The following FRMD4B variants were observed in gnomAD, a reference collection of about 807,000 sequenced individuals.
FRMD4B encodes FERM domain-containing protein 4B.
FRMD4B carries 74 observed loss-of-function variants against 141.5 expected under a neutral mutation model. The ratio of observed to expected loss-of-function variants is 0.52; its 90% CI spans 0.43 to 0.63. FRMD4B has a LOEUF of 0.63. Ranked by LOEUF, FRMD4B falls within the 30% of genes least tolerant of loss-of-function variation. The pLI is 0.00. For synonymous variants in FRMD4B, 506 were observed against 467.9 expected (o/e 1.08, Z -1.05); for missense variants, 1,366 against 1,253.4 (o/e 1.09, Z -1.36).
chr3:69,343,577 G>GTTT (rs66705405), intron 1 of FRMD4B, among the ~76,000 whole-genome samples: 12 of 126,534 alleles, frequency 9.5e-5, no homozygotes, highest in African/African-American at 2.1e-4. Flanking sequence ...ACAGTTTTTT[G>GTTT]TTTTTTTTTT....
chr3:69,260,898 G>A (rs545338049), intron 5 of FRMD4B, among the ~76,000 whole-genome samples: 6 of 152,336 alleles, frequency 3.9e-5, no homozygotes, highest in African/African-American at 1.4e-4. Flanking sequence ...ACACCAATCA[G>A]CACTCTGTGT....
chr3:69,206,610 G>A (rs1485786809), intron 11 of FRMD4B, among the ~76,000 whole-genome samples: 1 of 152,184 alleles, frequency 6.6e-6, no homozygotes, highest in East Asian at 1.9e-4. Context: ...CACCAGGGCT[G>A]AGCTACTGCT....
At chr3:69,492,205 C>A (rs1377922446) in intron 1 of FRMD4B, among the ~76,000 whole-genome samples, 2 of 152,166 alleles carry the variant, frequency 1.3e-5, no homozygotes, top group East Asian at 3.9e-4. Flanking sequence ...GCAAGACCTG[C>A]ATTTGAATCC....
intron 11 of FRMD4B, among the ~76,000 whole-genome samples, chr3:69,206,445 G>A (rs1470817449): frequency 6.6e-6 from 1 of 152,210 alleles, no homozygotes; most frequent in South Asian, 2.1e-4. Flanking sequence ...AAGAAGTTCT[G>A]GGTATTGGGA....
In FRMD4B at chr3:69,344,531, G is replaced by C. The variant is rs114243712; in HGVS notation, c.163-31014C>G. Among the ~76,000 whole-genome samples, 555 of 152,324 alleles carry C rather than the reference G, an allele frequency of 3.6e-3. 2 individuals carry two copies. The highest frequency in any genetic ancestry group is 5.9e-3 in the Non-Finnish European group (400 of 68,026). ...TAGTCTAATCCCTTCACTCATCAAT[G>C]TGGATTCTGAAGACTGAATATGAAA... On this transcript the variant is annotated intron_variant, in intron 1 of 22. Transcript: ENST00000398540.
intron 5 of FRMD4B, among the ~76,000 whole-genome samples, chr3:69,262,750 G>A (rs929457819): frequency 1.3e-5 from 2 of 151,486 alleles, no homozygotes; most frequent in African/African-American, 2.4e-5. Context: ...GTGAGCCACC[G>A]CGCCCGGTCC....
At chr3:69,219,568 G>A (rs1007668316) in intron 9 of FRMD4B, among the ~76,000 whole-genome samples, 3 of 151,518 alleles carry the variant, frequency 2.0e-5, no homozygotes, top group Non-Finnish European at 4.4e-5. Context: ...ACACAATAAT[G>A]ATCAGGAGAA....
At chr3:69,415,273 A>G (rs1343712350) in intron 2 of FRMD4B, among the ~76,000 whole-genome samples, 1 of 152,204 alleles carries the variant, frequency 6.6e-6, no homozygotes, top group Non-Finnish European at 1.5e-5. Flanking sequence ...TCAAATGGAG[A>G]TAAAGCCCCA....
intron 1 of FRMD4B, chr3:69,322,964 T>G (rs529417814): frequency 5.6e-4 from 467 of 826,938 alleles, no homozygotes; most frequent in Non-Finnish European, 6.5e-4. Context: ...GTGATAAAGT[T>G]GGGTAGAATC....
intron 1 of FRMD4B, among the ~76,000 whole-genome samples, chr3:69,524,933 A>G (rs1464863872): frequency 6.6e-6 from 1 of 152,210 alleles, no homozygotes; most frequent in African/African-American, 2.4e-5. Flanking sequence ...AGTCTCTGCC[A>G]CACTTGCAGA....
intron 1 of FRMD4B, among the ~76,000 whole-genome samples, chr3:69,348,979 TCAGG>T (rs1703041716): frequency 6.6e-6 from 1 of 152,160 alleles, no homozygotes; most frequent in South Asian, 2.1e-4. Flanking sequence ...GCCAGGGCAA[TCAGG>T]CAGGAGAAAG....
In FRMD4B at chr3:69,532,796, G is replaced by C. The variant is rs373614529; in HGVS notation, c.-129+9410C>G. ...GATGGGCTCAGTCAGGTGCAACAAG[G>C]GAAGCCCGACAACAATCCTCAGCCA... On this transcript the variant is annotated intron_variant, in intron 1 of 5. Coordinates refer to the FRMD4B transcript ENST00000459638. Among the ~76,000 whole-genome samples the C allele has an allele frequency of 2.6e-5, 4 of 152,312 alleles. No individual in the cohort carries two copies. The East Asian group carries it at 5.8e-4, about 22-fold the overall frequency.
At chr3:69,450,420 A>G (rs1460435832) in intron 1 of FRMD4B, among the ~76,000 whole-genome samples, 3 of 152,024 alleles carry the variant, frequency 2.0e-5, no homozygotes, top group Non-Finnish European at 2.9e-5. Context: ...GCTCAGGTTC[A>G]TTCCAGCCTG....
At chr3:69,377,977 A>AT (rs35582091) in intron 1 of FRMD4B, among the ~76,000 whole-genome samples, 125,503 of 139,896 alleles carry the variant, frequency 0.9, 56,383 homozygotes, top group East Asian at 0.96. Flanking sequence ...CACTTGGCTA[A>AT]TTTTTTTTTT....
intron 1 of FRMD4B, among the ~76,000 whole-genome samples, chr3:69,488,438 A>G (rs796704433): frequency 1.6e-4 from 24 of 152,324 alleles, no homozygotes; most frequent in African/African-American, 4.6e-4. Flanking sequence ...TCTAACTTCT[A>G]TGGTCAACTG....
intron 3 of FRMD4B, among the ~76,000 whole-genome samples, chr3:69,304,723 A>C (rs958011130): frequency 6.6e-6 from 1 of 152,098 alleles, no homozygotes; most frequent in African/African-American, 2.4e-5. Flanking sequence ...CAACTAGTCC[A>C]TCCATTTTAG....
intron 5 of FRMD4B, among the ~76,000 whole-genome samples, chr3:69,269,715 G>A (rs927991426): frequency 1.3e-5 from 2 of 152,190 alleles, no homozygotes; most frequent in African/African-American, 4.8e-5. Flanking sequence ...CACGATCTCG[G>A]CTCAAGCGAT....
At chr3:69,383,884 C>T (rs1178056197) in intron 1 of FRMD4B, among the ~76,000 whole-genome samples, 3 of 152,168 alleles carry the variant, frequency 2.0e-5, no homozygotes, top group Non-Finnish European at 4.4e-5. Flanking sequence ...GTGCTAGAAA[C>T]ATTCAAATTA....
intron 4 of FRMD4B, among the ~76,000 whole-genome samples, chr3:69,291,910 CTTTTTTTT>C (rs35703345): frequency 2.3e-4 from 24 of 105,498 alleles, no homozygotes; most frequent in East Asian, 1.5e-3. Flanking sequence ...ACAGGAATCT[CTTTTTTTT>C]TTTTTTTTTT....
Sources: allele counts gnomAD v4.1 joint callset (sites outside exome capture counted in the v4.1 genomes callset), GRCh38; gene constraint gnomAD v4.1.1; transcripts MANE v1.5; gene names NCBI Gene and HGNC (gene_info 2026-07-23, HGNC 2026-07-21).